Variants in CTNNA2 observed in about 807,000 individuals in gnomAD.
CTNNA2 encodes the protein catenin alpha-2.
In CTNNA2, 42 loss-of-function variants were observed where a neutral mutation model predicts 101.0. The ratio of observed to expected loss-of-function variants is 0.42; its 90% CI spans 0.32 to 0.54. The LOEUF (loss-of-function observed/expected upper bound fraction) is 0.54. Ranked by LOEUF, CTNNA2 falls within the 20% of genes least tolerant of loss-of-function variation. The pLI, the probability that CTNNA2 is intolerant of heterozygous loss-of-function variation, is 0.14. For synonymous variants in CTNNA2, 450 were observed against 456.4 expected (o/e 0.99, Z 0.18); for missense variants, 871 against 1,223.1 (o/e 0.71, Z 4.29).
rs764112772 is a variant in CTNNA2 at position 80,555,844 on chromosome 2, G to T, written c.1692G>T (p.Gly564=). Residue 564 remains glycine, a synonymous_variant, in exon 12 of 19, where the codon GGG becomes GGT. Coordinates refer to ENST00000402739, the MANE Select transcript of CTNNA2 (RefSeq NM_001282597.3). ...INAEMENYEA[G]VYTEKVLEAT... ...CTGAGATGGAGAACTATGAAGCTGG[G>T]GTTTATACTGAGAAGGTGTTGGAAG... 1.3e-6 allele frequency: 2 copies of T among 1,589,170 alleles called. No individual in the cohort carries two copies. The highest frequency in any genetic ancestry group is 4.6e-5 in the East Asian group (2 of 43,766).
intron 1 of CTNNA2, among the ~76,000 whole-genome samples, chr2:79,556,991 G>T (rs1427969583): frequency 6.6e-6 from 1 of 151,900 alleles, no homozygotes; most frequent in African/African-American, 2.4e-5. Context: ...AAGATCTTCA[G>T]AGAAGGAAAT....
At position 80,303,025 on chromosome 2, in the gene CTNNA2, G is replaced by C. The variant is rs748673056; in HGVS notation, c.1057-90186G>C. 3.1e-6 allele frequency: 5 copies of C among 1,613,758 alleles called. No individual in the cohort carries two copies. Among genetic ancestry groups the C allele is most frequent in the Non-Finnish European group, 4.2e-6 (5 of 1,179,978 alleles). On this transcript the variant is annotated intron_variant, in intron 7 of 18. Transcript: ENST00000402739. The surrounding 1 kb of genome is among the most constrained non-coding windows in gnomAD (Gnocchi z 7.7). ...GGGGCTCCATGTACTCGATCTCGTTGCCCGACAAGTCCATTTTCTCCAGGT... is the reference window on the plus strand; with the variant it reads ...GGGGCTCCATGTACTCGATCTCGTTCCCCGACAAGTCCATTTTCTCCAGGT...
At position 79,876,697 on chromosome 2, in the gene CTNNA2, C is replaced by T. The variant is rs182719905; in HGVS notation, c.852+2355C>T. On this transcript the variant is annotated intron_variant, in intron 6 of 18. Transcript: ENST00000402739. The stretch of plus-strand genomic sequence containing the variant: ...TTTTCATTAAAAGCACCTTTTATCC[C>T]CAATTAATGTAACAACCGATGCGTC... Among the ~76,000 whole-genome samples the T allele has an allele frequency of 4.4e-3, 668 of 152,232 alleles. 7 individuals are homozygous for T. Among genetic ancestry groups the T allele is most frequent in the South Asian group, 8.5e-3 (41 of 4,828 alleles).
chr2:80,565,542 A>G (rs1693981113), intron 12 of CTNNA2, among the ~76,000 whole-genome samples: 1 of 151,368 alleles, frequency 6.6e-6, no homozygotes, highest in Non-Finnish European at 1.5e-5. Flanking sequence ...TCCATGGTGA[A>G]TCGTGTGGTT....
intron 4 of CTNNA2, among the ~76,000 whole-genome samples, chr2:79,862,167 C>T (rs1038889885): frequency 6.6e-6 from 1 of 152,196 alleles, no homozygotes. Flanking sequence ...TATCCTCAGG[C>T]TAGATCCTGG....
At chr2:80,487,280 C>CA (rs57561004) in intron 9 of CTNNA2, among the ~76,000 whole-genome samples, 1,358 of 68,288 alleles carry the variant, frequency 0.02, 17 homozygotes, top group South Asian at 0.032. Flanking sequence ...TACTCTGTCT[C>CA]AAAAAAAAAA....
Position 79,220,176 on chromosome 2 carries a change from GTA to G in CTNNA2, c.-406+22110_-406+22111del, listed in dbSNP as rs751190259. Among the ~76,000 whole-genome samples the G allele has an allele frequency of 3.7e-3, 558 of 151,616 alleles. 2 individuals carry two copies. Among genetic ancestry groups the G allele is most frequent in the African/African-American group, 0.013 (543 of 41,188 alleles). Reference sequence around the variant, plus strand: ...CGTATATATATGTATGTGTGTGTGTGTATATATATATGTGTGTGTGTGTGTAT... The same window carrying G: ...CGTATATATATGTATGTGTGTGTGTGTATATATATGTGTGTGTGTGTGTAT... On this transcript the variant is annotated intron_variant, in intron 2 of 21. Coordinates refer to the CTNNA2 transcript ENST00000466387.
At chr2:80,249,353 A>C (rs1211688362) in intron 7 of CTNNA2, among the ~76,000 whole-genome samples, 1 of 152,192 alleles carries the variant, frequency 6.6e-6, no homozygotes, top group Non-Finnish European at 1.5e-5. Context: ...GAGAGCCAGG[A>C]TTCAGGCCTC....
At chr2:79,918,846 T>A (rs1686446591) in intron 7 of CTNNA2, among the ~76,000 whole-genome samples, 1 of 152,192 alleles carries the variant, frequency 6.6e-6, no homozygotes, top group Non-Finnish European at 1.5e-5. Context: ...AACAAGCCAC[T>A]GTGAATGAGA....
intron 1 of CTNNA2, chr2:79,195,711 A>G (rs1673950430): frequency 2.4e-6 from 1 of 422,212 alleles, no homozygotes. Context: ...TACTTCTGAC[A>G]CACATACCTG....
intron 7 of CTNNA2, among the ~76,000 whole-genome samples, chr2:80,284,615 T>C (rs1034036763): frequency 7.0e-6 from 1 of 141,934 alleles, no homozygotes; most frequent in African/African-American, 3.1e-5. Flanking sequence ...TCTCTGACAT[T>C]CAATCACACA....
chr2:80,560,466 G>A (rs943303329), intron 12 of CTNNA2, among the ~76,000 whole-genome samples: 3 of 152,132 alleles, frequency 2.0e-5, no homozygotes, highest in African/African-American at 7.2e-5. Context: ...ATTGCCCAAT[G>A]TTTTGTCATT....
intron 7 of CTNNA2, among the ~76,000 whole-genome samples, chr2:79,923,034 G>T (rs919698873): frequency 1.8e-4 from 28 of 152,074 alleles, no homozygotes; most frequent in African/African-American, 6.3e-4. Context: ...TATCCAATCT[G>T]TAGGTATCTA....
At chr2:79,222,195 GC>G (rs549435643) in intron 2 of CTNNA2, among the ~76,000 whole-genome samples, 57 of 152,166 alleles carry the variant, frequency 3.7e-4, no homozygotes, top group Non-Finnish European at 7.3e-4. Flanking sequence ...CACCAGGCAG[GC>G]GATATAAAGG....
chr2:80,564,776 C>T (rs1161996577), intron 12 of CTNNA2, among the ~76,000 whole-genome samples: 1 of 152,110 alleles, frequency 6.6e-6, no homozygotes, highest in African/African-American at 2.4e-5. Context: ...TGATAGTTGT[C>T]TGGAGAGGTA....
chr2:80,037,767 T>C (rs1038611989), intron 7 of CTNNA2, among the ~76,000 whole-genome samples: 2 of 152,184 alleles, frequency 1.3e-5, no homozygotes, highest in Non-Finnish European at 2.9e-5. Context: ...CTCTTCTTTA[T>C]TGTCATTCAT....
At chr2:79,590,764 C>A (rs534224642) in intron 1 of CTNNA2, among the ~76,000 whole-genome samples, 1 of 152,166 alleles carries the variant, frequency 6.6e-6, no homozygotes, top group South Asian at 2.1e-4. Flanking sequence ...CTTGCAATAC[C>A]AGTAGTTTGC....
At chr2:79,946,807 C>A (rs917567481) in intron 7 of CTNNA2, among the ~76,000 whole-genome samples, 9 of 152,126 alleles carry the variant, frequency 5.9e-5, no homozygotes, top group African/African-American at 1.7e-4. Context: ...AGATTTATTT[C>A]AGAAAGTCAC....
chr2:79,378,768 C>T (rs1037505971), intron 4 of CTNNA2, among the ~76,000 whole-genome samples: 10 of 151,984 alleles, frequency 6.6e-5, no homozygotes, highest in Non-Finnish European at 1.5e-4. Context: ...AAAAAAAATC[C>T]TTTTGGGAGC....
Sources: gnomAD v4.1 joint callset for allele counts (sites outside exome capture counted in the v4.1 genomes callset) on GRCh38, gnomAD v4.1.1 for gene constraint, Gnocchi (gnomAD v3.1) non-coding constraint, MANE v1.5 for transcripts, NCBI Gene and HGNC (gene_info 2026-07-23, HGNC 2026-07-21) for gene names.